Variants in H2BW2 observed in about 807,000 individuals in gnomAD.
H2BW2 encodes the protein histone H2B type F-M.
Under a neutral mutation model 9.2 loss-of-function variants are expected in H2BW2, and 8 were observed. The ratio of observed to expected loss-of-function variants is 0.87; its 90% CI spans 0.51 to 1.57. H2BW2 has a LOEUF of 1.57. Among genes scored for constraint, H2BW2 ranks in the 40% most tolerant of loss-of-function variants. The pLI is 0.00. For synonymous variants in H2BW2, 80 were observed against 56.8 expected, an observed-to-expected ratio of 1.41 and a Z score of -1.84; for missense variants, 193 against 137.3, an observed-to-expected ratio of 1.41 and a Z score of -2.03.
Position 104,040,876 on chromosome X carries a change from C to G in H2BW2, c.*12C>G, listed in dbSNP as rs142590208. The stretch of plus-strand genomic sequence containing the variant: ...AACAGAGAAAGTGAATATGCTGATA[C>G]AAGAAGCAAGGTAACCCTCCTAAAT... On this transcript the variant is annotated 3_prime_UTR_variant, in exon 2 of 4. Transcript: ENST00000675318. 8 of 1,166,371 alleles carry G rather than the reference C, an allele frequency of 6.9e-6. No homozygotes were observed. The Admixed American group carries it at 1.1e-4, about 16-fold the overall frequency.
At chrX:104,041,007 A>T in intron 2 of H2BW2, 81 bp from the exon 3 acceptor site, 1 of 668,412 alleles carries the variant, frequency 1.5e-6, no homozygotes, top group Non-Finnish European at 2.2e-6. Flanking sequence ...TTCGTTTTCC[A>T]GCTTCCCCGA....
intron 3 of H2BW2, chrX:104,041,371 T>A (rs2075203823): frequency 8.0e-6 from 1 of 125,340 alleles, no homozygotes; most frequent in Non-Finnish European, 1.6e-5. Flanking sequence ...AAGCTAAGAT[T>A]AGAATATGTA....
rs782059704 is a variant in H2BW2 at position 104,040,091 on chromosome X, C to T, written c.97C>T (p.Arg33Ter). The change falls in exon 1 of 4, where the codon CGA becomes TGA. Residue 33 changes from arginine (R) to a stop codon, truncating the protein, a stop_gained. Transcript: ENST00000675318. LOFTEE classifies it high-confidence loss of function. ...NSTKAQKQKR[R>*]GCRGSRRRHA... Reference sequence around the variant, plus strand: ...CACGAAGGCCCAGAAGCAGAAGAGGCGAGGGTGCCGAGGCTCCCGCAGGCG... The same window carrying T: ...CACGAAGGCCCAGAAGCAGAAGAGGTGAGGGTGCCGAGGCTCCCGCAGGCG... The T allele has an allele frequency of 3.8e-5, 44 of 1,162,343 alleles. No individual in the cohort carries two copies. The highest frequency in any genetic ancestry group is 7.8e-5 in the Admixed American group (3 of 38,596).
intron 1 of H2BW2, 62 bp downstream of exon 1, chrX:104,040,466 C>A: frequency 1.0e-6 from 1 of 1,004,258 alleles, no homozygotes; most frequent in Non-Finnish European, 1.3e-6. Context: ...CCCAAAGGCT[C>A]TATTCAGAAC....
intron 1 of H2BW2, 87 bp from the exon 2 acceptor site, chrX:104,040,741 G>T: frequency 3.7e-6 from 2 of 544,729 alleles, no homozygotes; most frequent in Non-Finnish European, 3.3e-6. Context: ...TATCTTTCTA[G>T]GTTATCTTTA....
At chrX:104,041,610 T>C (rs1412195231) in intron 3 of H2BW2, 2 of 111,939 alleles carry the variant, frequency 1.8e-5, no homozygotes, top group Admixed American at 1.9e-4. Context: ...TGCTTTCCTT[T>C]TCCATTGATT....
rs782507269 is a variant in H2BW2 at position 104,040,847 on chromosome X, T to G, written c.430T>G (p.Trp144Gly). Residue 144 changes from tryptophan to glycine, a missense_variant, in exon 2 of 4, where the codon TGG (tryptophan) becomes GGG (glycine). Trp to Gly is a radical substitution (Grantham distance 184). Coordinates refer to ENST00000675318, the MANE Select transcript of H2BW2 (RefSeq NM_001388464.1). ...AALRTSLCAI[W>G]QQRK ...TTCCAGAACTTCATTATGTGCGATA[T>G]GGCAACAGAGAAAGTGAATATGCTG... 12 of 985,378 alleles carry G rather than the reference T, an allele frequency of 1.2e-5. No individual in the cohort carries two copies. The highest frequency in any genetic ancestry group is 1.6e-5 in the Non-Finnish European group (11 of 691,502). 81.2% of individuals were successfully genotyped at this position (985,378 alleles called of 1,213,427 possible). A position where few individuals can be genotyped will look rare whatever the true frequency, so the allele number is the denominator to read the frequency against.
chrX:104,040,108 C>G lies in H2BW2; in HGVS notation c.114C>G (p.Ser38=), dbSNP rs2075196299. Reference sequence around the variant, plus strand: ...AGAAGAGGCGAGGGTGCCGAGGCTCCCGCAGGCGCCACGCCAACCGCCGTG... The same window carrying G: ...AGAAGAGGCGAGGGTGCCGAGGCTCGCGCAGGCGCCACGCCAACCGCCGTG... ...QKQKRRGCRG[S]RRRHANRRGD... The change falls in exon 1 of 4, where the codon TCC becomes TCG. Residue 38 remains serine (S), a synonymous_variant. Coordinates refer to ENST00000675318, the MANE Select transcript of H2BW2 (RefSeq NM_001388464.1). 8.6e-7 allele frequency: 1 copy of G among 1,166,855 alleles called. No individual in the cohort carries two copies. Among genetic ancestry groups the G allele is most frequent in the Admixed American group, 2.6e-5 (1 of 39,044 alleles).
chrX:104,040,992 A>C, intron 2 of H2BW2, 96 bp from the exon 3 acceptor site: 1 of 801,597 alleles, frequency 1.2e-6, no homozygotes, highest in African/African-American at 2.1e-5. Context: ...ATTTTCAAGA[A>C]TCCATTCGTT....
chrX:104,040,177 G>A lies in H2BW2; in HGVS notation c.183G>A (p.Val61=), dbSNP rs782404025. The stretch of plus-strand genomic sequence containing the variant: ...GCTTCACCCCCTATTTCCCCCGGGT[G>A]CTGAAGCAGGTTCACCAGGGCCTCA... ...GDSFTPYFPR[V]LKQVHQGLSL... The change falls in exon 1 of 4, where the codon GTG becomes GTA. Residue 61 remains valine, a synonymous_variant. Coordinates refer to ENST00000675318, the MANE Select transcript of H2BW2 (RefSeq NM_001388464.1). 1 of 1,190,466 alleles carries A rather than the reference G, an allele frequency of 8.4e-7. No individual in the cohort carries two copies. The highest frequency in any genetic ancestry group is 1.9e-5 in the South Asian group (1 of 53,910).
chrX:104,040,303 C>G lies in H2BW2; in HGVS notation c.309C>G (p.Arg103=). The G allele has an allele frequency of 8.3e-7, 1 of 1,197,710 alleles. No homozygotes were observed. The highest frequency in any genetic ancestry group is 1.1e-6 in the Non-Finnish European group (1 of 888,382). Residue 103 remains arginine (R), a synonymous_variant, in exon 1 of 4, where the codon CGC becomes CGG. Transcript: ENST00000675318. ...GTCAGCTGGCCCATTACACCAAGCG[C>G]GTGACCATCACCTCCCGGGACATCC... The part of the protein sequence containing the change: ...EAGQLAHYTK[R]VTITSRDIQM...
chrX:104,040,688 G>A (rs1363094507), intron 1 of H2BW2, 140 bp from the exon 2 acceptor site: 11 of 508,212 alleles, frequency 2.2e-5, no homozygotes, highest in Middle Eastern at 7.2e-4. Flanking sequence ...TTCCGTAATC[G>A]TGTTTCGTGT....
At chrX:104,040,999 C>G (rs2075202098) in intron 2 of H2BW2, 89 bp from the exon 3 acceptor site, 8 of 719,113 alleles carry the variant, frequency 1.1e-5, no homozygotes, top group Non-Finnish European at 1.6e-5. Flanking sequence ...AGAATCCATT[C>G]GTTTTCCAGC....
Position 104,040,375 on chromosome X carries a change from C to T in H2BW2, c.381C>T (p.Ala127=), listed in dbSNP as rs781873973. The T allele has an allele frequency of 2.5e-5, 29 of 1,166,944 alleles. No individual in the cohort carries two copies. The highest frequency in any genetic ancestry group is 9.9e-5 in the Admixed American group (4 of 40,478). Reference sequence around the variant, plus strand: ...TGCCGGGGAAGATGGGCAAGCTCGCCGAGGCCCAGGGCACGAATGCCGCCC... The same window carrying T: ...TGCCGGGGAAGATGGGCAAGCTCGCTGAGGCCCAGGGCACGAATGCCGCCC... ...LLLPGKMGKL[A]EAQGTNAALR... Residue 127 remains alanine, a synonymous_variant, in exon 1 of 4, where the codon GCC becomes GCT. Transcript: ENST00000675318.
intron 3 of H2BW2, 84 bp downstream of exon 3, chrX:104,041,190 G>T (rs2075202858): frequency 7.9e-6 from 2 of 254,321 alleles, no homozygotes; most frequent in Non-Finnish European, 1.4e-5. Flanking sequence ...GTGACCTGCA[G>T]TCTATGAGCA....
chrX:104,040,687 C>T (rs782352011), intron 1 of H2BW2, 141 bp from the exon 2 acceptor site: 153 of 507,420 alleles, frequency 3.0e-4, no homozygotes, highest in Non-Finnish European at 2.6e-4. Flanking sequence ...TTTCCGTAAT[C>T]GTGTTTCGTG....
chrX:104,041,459 A>T (rs2075204215), intron 3 of H2BW2: 2 of 112,967 alleles, frequency 1.8e-5, no homozygotes, highest in Admixed American at 1.9e-4. Flanking sequence ...TCCTCAAAAG[A>T]TTAGCATATT....
In H2BW2 at chrX:104,040,094, G is replaced by A; in HGVS notation, c.100G>A (p.Gly34Arg). Residue 34 changes from glycine (G) to arginine (R), a missense_variant, in exon 1 of 4, where the codon GGG (glycine) becomes AGG (arginine). Coordinates refer to ENST00000675318, the MANE Select transcript of H2BW2 (RefSeq NM_001388464.1). Reference sequence around the variant, plus strand: ...GAAGGCCCAGAAGCAGAAGAGGCGAGGGTGCCGAGGCTCCCGCAGGCGCCA... The same window carrying A: ...GAAGGCCCAGAAGCAGAAGAGGCGAAGGTGCCGAGGCTCCCGCAGGCGCCA... ...STKAQKQKRR[G>R]CRGSRRRHAN... 1 of 1,166,911 alleles carries A rather than the reference G, an allele frequency of 8.6e-7. No homozygotes were observed. The highest frequency in any genetic ancestry group is 1.1e-6 in the Non-Finnish European group (1 of 872,889).
At chrX:104,040,517 G>A in intron 1 of H2BW2, 113 bp downstream of exon 1, 2 of 738,213 alleles carry the variant, frequency 2.7e-6, no homozygotes, top group Non-Finnish European at 3.8e-6. Flanking sequence ...CGCCAAGGGG[G>A]GGACCCCACC....
Sources: gnomAD v4.1 joint callset for allele counts on GRCh38, gnomAD v4.1.1 for gene constraint, MANE v1.5 for transcripts, NCBI Gene and HGNC (gene_info 2026-07-23, HGNC 2026-07-21) for gene names.